The following LHFPL3 variants were observed in gnomAD, a reference collection of about 807,000 sequenced individuals.
LHFPL3 encodes the protein LHFPL tetraspan subfamily member 3.
Under a neutral mutation model 19.3 loss-of-function variants are expected in LHFPL3, and 5 were observed. The ratio of observed to expected loss-of-function variants is 0.26; its 90% confidence interval spans 0.14 to 0.54. The LOEUF is 0.54. Among genes scored for constraint, LHFPL3 ranks in the 20% least tolerant of loss-of-function variants. The pLI is 0.94. For synonymous variants in LHFPL3, 133 were observed against 126.2 expected, an observed-to-expected ratio of 1.05 and a Z score of -0.36; for missense variants, 249 against 307.4, an observed-to-expected ratio of 0.81 and a Z score of 1.42.
chr7:104,626,633 C>G (rs1199668168), intron 1 of LHFPL3, among the ~76,000 whole-genome samples: 1 of 152,172 alleles, frequency 6.6e-6, no homozygotes, highest in African/African-American at 2.4e-5. Context: ...ATGGAGCACC[C>G]TTTCTGCTGC....
At chr7:104,849,796 G>C (rs1159160497) in intron 2 of LHFPL3, among the ~76,000 whole-genome samples, 1 of 152,234 alleles carries the variant, frequency 6.6e-6, no homozygotes, top group Non-Finnish European at 1.5e-5. Flanking sequence ...TGGATGTGGG[G>C]CAGGACTCTC....
chr7:104,491,096 A>T (rs999401914), intron 1 of LHFPL3, among the ~76,000 whole-genome samples: 1 of 152,164 alleles, frequency 6.6e-6, no homozygotes, highest in East Asian at 1.9e-4. Flanking sequence ...AACAGAAGCC[A>T]TGGGCCTCAG....
intron 1 of LHFPL3, among the ~76,000 whole-genome samples, chr7:104,400,131 A>AAAAAAAAAAAC (rs1791284182): frequency 7.3e-6 from 1 of 137,222 alleles, no homozygotes; most frequent in African/African-American, 2.8e-5. Flanking sequence ...AAAAAAAAAA[A>AAAAAAAAAAAC]AAAAAAAAAA....
At chr7:104,381,485 T>C (rs1169381999) in intron 1 of LHFPL3, among the ~76,000 whole-genome samples, 1 of 152,190 alleles carries the variant, frequency 6.6e-6, no homozygotes, top group Admixed American at 6.6e-5. Context: ...ATTTATTGTT[T>C]TGCCGTACAT....
chr7:104,348,211 C>T (rs775017149), intron 1 of LHFPL3, among the ~76,000 whole-genome samples: 73 of 152,266 alleles, frequency 4.8e-4, no homozygotes, highest in Admixed American at 9.8e-4. Flanking sequence ...GTGGTGAAAC[C>T]TCATCTCTAC....
At chr7:104,329,321 G>T (rs1043434933) in intron 1 of LHFPL3, 97 bp downstream of exon 1, 8 of 1,443,892 alleles carry the variant, frequency 5.5e-6, no homozygotes, top group Non-Finnish European at 7.4e-6. Context: ...GCGCGCCGCT[G>T]CGAGCCAAGC....
At position 104,399,532 on chromosome 7, in the gene LHFPL3, G is replaced by T. The variant is rs1019685110; in HGVS notation, c.445+70308G>T. Among the ~76,000 whole-genome samples, 1 of 151,678 alleles carries T rather than the reference G, an allele frequency of 6.6e-6. No individual in the cohort carries two copies. Among genetic ancestry groups the T allele is most frequent in the Admixed American group, 6.6e-5 (1 of 15,216 alleles). ...GCTGGAGTGCAGTGGCGCAGTCTTGGCTCAGTGCAACCTCTGGCTCCTGGG... is the reference window on the plus strand; with the variant it reads ...GCTGGAGTGCAGTGGCGCAGTCTTGTCTCAGTGCAACCTCTGGCTCCTGGG... On this transcript the variant is annotated intron_variant, in intron 1 of 2. Coordinates refer to ENST00000424859, the MANE Select transcript of LHFPL3 (RefSeq NM_199000.3). This position sits in a 1 kb window ranked among gnomAD's most constrained non-coding sequence, Gnocchi z 4.4.
At chr7:104,518,835 AT>A in intron 1 of LHFPL3, among the ~76,000 whole-genome samples, 1 of 145,258 alleles carries the variant, frequency 6.9e-6, no homozygotes, top group East Asian at 1.9e-4. Context: ...AGATAGATAG[AT>A]AGATAGATAG....
intron 2 of LHFPL3, among the ~76,000 whole-genome samples, chr7:104,842,184 T>A (rs1179725860): frequency 2.8e-5 from 4 of 141,476 alleles, no homozygotes; most frequent in Non-Finnish European, 1.5e-5. Flanking sequence ...CACAATCCTT[T>A]AAAAAAAAAA....
intron 1 of LHFPL3, among the ~76,000 whole-genome samples, chr7:104,433,218 C>T (rs1361042719): frequency 6.6e-6 from 1 of 152,166 alleles, no homozygotes; most frequent in Non-Finnish European, 1.5e-5. Flanking sequence ...TAAGAGCCAT[C>T]AGAACAGACC....
At chr7:104,652,554 G>T (rs1218462193) in intron 1 of LHFPL3, among the ~76,000 whole-genome samples, 1 of 152,126 alleles carries the variant, frequency 6.6e-6, no homozygotes, top group Non-Finnish European at 1.5e-5. Flanking sequence ...TTCAGAAAAG[G>T]TCTTAGCATA....
chr7:104,458,597 G>A (rs572502975), intron 1 of LHFPL3, among the ~76,000 whole-genome samples: 111 of 151,982 alleles, frequency 7.3e-4, no homozygotes, highest in Non-Finnish European at 8.8e-4. Flanking sequence ...TTGGCGATGC[G>A]GGCTCTTTTT....
intron 1 of LHFPL3, among the ~76,000 whole-genome samples, chr7:104,566,592 G>A (rs186217790): frequency 1.9e-4 from 29 of 152,224 alleles, no homozygotes; most frequent in African/African-American, 5.5e-4. Flanking sequence ...TTAGAAGCCC[G>A]TACCATGAGT....
At chr7:104,357,383 C>T (rs1283042306) in intron 1 of LHFPL3, among the ~76,000 whole-genome samples, 1 of 152,130 alleles carries the variant, frequency 6.6e-6, no homozygotes, top group Non-Finnish European at 1.5e-5. Context: ...GGTCTTTTTC[C>T]TCCTCTTAAA....
At chr7:104,422,917 C>A (rs892065628) in intron 1 of LHFPL3, among the ~76,000 whole-genome samples, 1 of 152,144 alleles carries the variant, frequency 6.6e-6, no homozygotes, top group African/African-American at 2.4e-5. Flanking sequence ...GATATTAATA[C>A]CTTCAAGTGA....
At chr7:104,718,987 G>A (rs111502482) in intron 1 of LHFPL3, among the ~76,000 whole-genome samples, 4 of 152,090 alleles carry the variant, frequency 2.6e-5, no homozygotes, top group East Asian at 1.9e-4. Flanking sequence ...AAGATCCTGC[G>A]GCAAAAATGC....
chr7:104,447,297 A>T (rs2116593633), intron 1 of LHFPL3, among the ~76,000 whole-genome samples: 1 of 152,280 alleles, frequency 6.6e-6, no homozygotes, highest in East Asian at 1.9e-4. Flanking sequence ...AACTTACTTT[A>T]GTCTGCAGTA....
rs145310481 is a variant in LHFPL3, at chr7:104,463,903, A to G, written c.445+134679A>G. 7.6e-3 allele frequency among the ~76,000 whole-genome samples: 1,162 copies of G among 152,264 alleles called. 53 individuals are homozygous for G. In the East Asian group the frequency reaches 0.13, roughly 17 times the overall value. On this transcript the variant is annotated intron_variant, in intron 1 of 2. Transcript: ENST00000424859. ...TCATGTCCTCACATTTCAAAACACA[A>G]TCATGCCCTTCCAACAGTCCCCTAA...
chr7:104,436,098 A>G (rs982202349), intron 1 of LHFPL3, among the ~76,000 whole-genome samples: 2 of 152,192 alleles, frequency 1.3e-5, no homozygotes, highest in Non-Finnish European at 1.5e-5. Flanking sequence ...CCCTAGCCCC[A>G]AGAAGCTACT....
Sources: gnomAD v4.1 joint callset for allele counts (sites outside exome capture counted in the v4.1 genomes callset) on GRCh38, gnomAD v4.1.1 for gene constraint, Gnocchi (gnomAD v3.1) non-coding constraint, MANE v1.5 for transcripts, NCBI Gene and HGNC (gene_info 2026-07-23, HGNC 2026-07-21) for gene names.